Variants in MEIS1 observed in about 807,000 individuals in gnomAD.
MEIS1 encodes the protein Meis homeobox 1, also known as homeobox protein Meis1.
MEIS1 carries 5 observed loss-of-function variants against 50.8 expected under a neutral mutation model. The ratio of observed to expected loss-of-function variants is 0.10; its 90% CI spans 0.05 to 0.21. MEIS1 has a LOEUF of 0.21. MEIS1 is among the 10% of genes least tolerant of loss of function. MEIS1 has a pLI of 1.00. For synonymous variants in MEIS1, 176 were observed against 179.3 expected (o/e 0.98, Z 0.15); for missense variants, 318 against 517.3 (o/e 0.61, Z 3.74).
intron 7 of MEIS1, 88 bp downstream of exon 7, chr2:66,464,308 G>C: frequency 2.8e-6 from 3 of 1,054,898 alleles, no homozygotes; most frequent in Non-Finnish European, 2.9e-6. Context: ...TAAGTATACA[G>C]TTTTTCCTAG....
chr2:66,435,546 C>G lies in MEIS1; in HGVS notation c.-311C>G. 6.2e-4 allele frequency: 216 copies of G among 346,040 alleles called. No individual in the cohort carries two copies. Among genetic ancestry groups the G allele is most frequent in the Middle Eastern group, 2.3e-3 (3 of 1,314 alleles). The allele number at this position is 346,040 out of a possible 1,614,324, so 21.4% of individuals were successfully genotyped here. Reference sequence around the variant, plus strand: ...GAGGGGCGCTCTTTTTTTTCCTTTTCTTTCTTTCTTTCTTTTTTTTTTTTT... The same window carrying G: ...GAGGGGCGCTCTTTTTTTTCCTTTTGTTTCTTTCTTTCTTTTTTTTTTTTT... On this transcript the variant is annotated 5_prime_UTR_variant, in exon 1 of 13. Coordinates refer to ENST00000272369, the MANE Select transcript of MEIS1 (RefSeq NM_002398.3).
intron 8 of MEIS1, among the ~76,000 whole-genome samples, chr2:66,514,691 A>G (rs896974825): frequency 4.6e-5 from 7 of 152,224 alleles, no homozygotes; most frequent in African/African-American, 1.7e-4. Flanking sequence ...GTAGATAGCT[A>G]ATTGTTCTTA....
At chr2:66,452,095 G>A (rs893380174) in intron 6 of MEIS1, among the ~76,000 whole-genome samples, 2 of 151,854 alleles carry the variant, frequency 1.3e-5, no homozygotes, top group African/African-American at 4.8e-5. Flanking sequence ...AGAAACTTTA[G>A]CAGTACAATT....
At chr2:66,485,471 G>A (rs1460614952) in intron 7 of MEIS1, among the ~76,000 whole-genome samples, 2 of 152,142 alleles carry the variant, frequency 1.3e-5, no homozygotes, top group South Asian at 2.1e-4. Flanking sequence ...TCCATGGTGT[G>A]TATGTGCCAC....
chr2:66,518,810 C>A (rs1339613022), intron 8 of MEIS1, among the ~76,000 whole-genome samples: 1 of 152,036 alleles, frequency 6.6e-6, no homozygotes, highest in Non-Finnish European at 1.5e-5. Context: ...AATGAAGATA[C>A]CTTGTCTTAA....
At chr2:66,441,717 T>C (rs867342015) in intron 5 of MEIS1, 7 of 465,166 alleles carry the variant, frequency 1.5e-5, no homozygotes, top group Non-Finnish European at 2.6e-5. Context: ...TTTGTGTAAA[T>C]AGTTGCAATT....
chr2:66,568,839 T>A (rs1257437358), intron 11 of MEIS1, 83 bp downstream of exon 11: 3 of 1,303,068 alleles, frequency 2.3e-6, no homozygotes, highest in Non-Finnish European at 3.3e-6. Context: ...ATCCGCCTCA[T>A]CCTTTTCTGT....
chr2:66,445,868 G>A (rs1012679604), intron 6 of MEIS1, among the ~76,000 whole-genome samples: 1 of 151,876 alleles, frequency 6.6e-6, no homozygotes, highest in African/African-American at 2.4e-5. Flanking sequence ...TTAAAAATAG[G>A]ATTAAGACAC....
At chr2:66,447,810 G>T (rs76314193) in intron 6 of MEIS1, among the ~76,000 whole-genome samples, 1 of 152,062 alleles carries the variant, frequency 6.6e-6, no homozygotes, top group East Asian at 1.9e-4. Context: ...AATCCTTTGC[G>T]TAGCTTCCCT....
intron 6 of MEIS1, among the ~76,000 whole-genome samples, chr2:66,455,196 G>T (rs1426482049): frequency 9.2e-5 from 14 of 152,140 alleles, no homozygotes; most frequent in Admixed American, 9.2e-4. Flanking sequence ...CAAGAAACTG[G>T]TAAGTAGAAT....
intron 8 of MEIS1, among the ~76,000 whole-genome samples, chr2:66,543,351 G>A (rs1050115412): frequency 3.9e-5 from 6 of 152,192 alleles, no homozygotes; most frequent in Non-Finnish European, 8.8e-5. Flanking sequence ...GTGGCAAGTG[G>A]TTTATATTTC....
chr2:66,499,185 A>G (rs1035017214), intron 7 of MEIS1, among the ~76,000 whole-genome samples: 5 of 152,202 alleles, frequency 3.3e-5, no homozygotes, highest in African/African-American at 1.2e-4. Context: ...GGATTTTCAG[A>G]TAGATTTGCA....
chr2:66,482,596 A>G (rs1673044539), intron 7 of MEIS1, among the ~76,000 whole-genome samples: 1 of 152,246 alleles, frequency 6.6e-6, no homozygotes, highest in Non-Finnish European at 1.5e-5. Context: ...GTGATCAGGC[A>G]CTGCTTAGCA....
In MEIS1 at chr2:66,569,124, C is replaced by T; in HGVS notation, c.*16C>T. On this transcript the variant is annotated 3_prime_UTR_variant, in exon 12 of 13. Transcript: ENST00000272369. The stretch of plus-strand genomic sequence containing the variant: ...CTACATGTAACCTTCATCTAGTTAA[C>T]CAATCGCAAAGCAAGGGGGAAGTAA... 24 of 1,612,286 alleles carry T rather than the reference C, an allele frequency of 1.5e-5. No individual in the cohort carries two copies. The highest frequency in any genetic ancestry group is 2.0e-5 in the Non-Finnish European group (24 of 1,179,388).
chr2:66,440,022 A>G (rs373105301), intron 3 of MEIS1, 38 bp downstream of exon 3: 1 of 1,559,284 alleles, frequency 6.4e-7, no homozygotes, highest in African/African-American at 1.4e-5. Context: ...AAGAAACAAA[A>G]AGAGAGCCCC....
intron 8 of MEIS1, among the ~76,000 whole-genome samples, chr2:66,541,971 A>G (rs902459227): frequency 3.9e-5 from 6 of 152,230 alleles, no homozygotes; most frequent in African/African-American, 1.4e-4. Context: ...ATAGGGAAGC[A>G]TTATGGATTT....
At chr2:66,462,002 T>C (rs1672531574) in intron 6 of MEIS1, 1 of 409,204 alleles carries the variant, frequency 2.4e-6, no homozygotes, top group South Asian at 1.9e-5. Context: ...CAATTAAGCA[T>C]TGAATTAATC....
chr2:66,462,736 C>T (rs1013597269), intron 6 of MEIS1, among the ~76,000 whole-genome samples: 1 of 152,224 alleles, frequency 6.6e-6, no homozygotes, highest in Non-Finnish European at 1.5e-5. Context: ...ACTTCTTTCA[C>T]AGTTCACATA....
At chr2:66,522,046 C>T (rs1170816600) in intron 8 of MEIS1, among the ~76,000 whole-genome samples, 1 of 152,142 alleles carries the variant, frequency 6.6e-6, no homozygotes, top group Non-Finnish European at 1.5e-5. Flanking sequence ...GTTTCAGAAA[C>T]ATGCAAGGCA....
Sources: allele counts gnomAD v4.1 joint callset (sites outside exome capture counted in the v4.1 genomes callset), GRCh38; gene constraint gnomAD v4.1.1; transcripts MANE v1.5; gene names NCBI Gene and HGNC (gene_info 2026-07-23, HGNC 2026-07-21).